RTN4: variants seen among roughly 807,000 people sequenced by gnomAD.
RTN4 encodes the protein reticulon-4.
Under a neutral mutation model 90.4 loss-of-function variants are expected in RTN4, and 32 were observed. That is an observed-to-expected ratio of 0.35 (90% CI 0.27 to 0.48). The LOEUF (loss-of-function observed/expected upper bound fraction) is 0.48. RTN4 is among the 20% of genes least tolerant of loss of function. The pLI is 0.99. For synonymous variants in RTN4, 629 were observed against 552.5 expected (o/e 1.14, Z -1.94); for missense variants, 1,706 against 1,430.2 (o/e 1.19, Z -3.11).
At chr2:55,090,792 C>T (rs1469947884) in intron 1 of RTN4, among the ~76,000 whole-genome samples, 2 of 152,180 alleles carry the variant, frequency 1.3e-5, no homozygotes, top group African/African-American at 2.4e-5. Flanking sequence ...AAACTCGGCT[C>T]CACCCCCTAA....
intron 3 of RTN4, among the ~76,000 whole-genome samples, chr2:54,994,264 A>G (rs778913238): frequency 5.8e-4 from 88 of 152,312 alleles, no homozygotes; most frequent in Admixed American, 9.8e-4. Context: ...AAATCAGACA[A>G]AGACATCACA....
At chr2:55,121,965 G>A in the RTN4 span, among the ~76,000 whole-genome samples, 30 of 151,692 alleles carry the variant, frequency 2.0e-4, no homozygotes, top group African/African-American at 7.3e-4. Context: ...CTGCTAGGTG[G>A]GATTTCCTAT....
upstream of RTN4, among the ~76,000 whole-genome samples, chr2:55,051,096 A>T (rs1208554915): frequency 1.3e-5 from 2 of 152,180 alleles, no homozygotes; most frequent in Non-Finnish European, 2.9e-5. Context: ...ATAAGAAAAA[A>T]ATTGTTTTTT....
chr2:54,987,438 C>A, intron 4 of RTN4, 53 bp downstream of exon 4: 1 of 1,279,900 alleles, frequency 7.8e-7, no homozygotes, highest in Non-Finnish European at 1.1e-6. Context: ...AGTCTTAATA[C>A]CAATCCTGTT....
In RTN4 at chr2:55,026,008, A is replaced by T. The variant is rs375057108; in HGVS notation, c.2091T>A (p.Ile697=). 1 of 1,612,640 alleles carries T rather than the reference A, an allele frequency of 6.2e-7. No homozygotes were observed. The highest frequency in any genetic ancestry group is 8.5e-7 in the Non-Finnish European group (1 of 1,179,708). The change falls in exon 3 of 9, where the codon ATT becomes ATA. Residue 697 remains isoleucine, a synonymous_variant. Transcript: ENST00000337526. Reference sequence around the variant, plus strand: ...TTGTTTCTTTAATTAAATCACATGCAATAGATATATAAGGAGCTTCTGTTT... The same window carrying T: ...TTGTTTCTTTAATTAAATCACATGCTATAGATATATAAGGAGCTTCTGTTT... ...LQETEAPYIS[I]ACDLIKETKL...
chr2:54,973,353 A>G (rs1167035977), intron 8 of RTN4, among the ~76,000 whole-genome samples, 155 bp from the exon 9 acceptor site: 1 of 152,216 alleles, frequency 6.6e-6, no homozygotes, highest in Non-Finnish European at 1.5e-5. Context: ...CCTTGGCCTC[A>G]TGAATTAGAT....
rs1208325773 is a variant in RTN4, at chr2:54,972,367, AGTCCATAGATTCT to A, written c.*776_*788del. The stretch of plus-strand genomic sequence containing the variant: ...CAACATTTTTGGAAGCATTAGATTC[AGTCCATAGATTCT>A]GTGACAAAATTAACTACAGTCAGTC... On this transcript the variant is annotated 3_prime_UTR_variant, in exon 9 of 9. Coordinates refer to ENST00000337526, the MANE Select transcript of RTN4 (RefSeq NM_020532.5). 5 of 152,690 alleles carry A rather than the reference AGTCCATAGATTCT, an allele frequency of 3.3e-5. No homozygotes were observed. The highest frequency in any genetic ancestry group is 1.2e-4 in the African/African-American group (5 of 41,468). 9.5% of individuals were successfully genotyped at this position (152,690 alleles called of 1,614,324 possible). A position where few individuals can be genotyped will look rare whatever the true frequency, so the allele number is the denominator to read the frequency against.
At chr2:55,036,343 T>A (rs1246907643) in intron 1 of RTN4, among the ~76,000 whole-genome samples, 1 of 152,016 alleles carries the variant, frequency 6.6e-6, no homozygotes. Context: ...GGCTCATGCC[T>A]GTAATCCCAG....
rs1349242103 is a variant in RTN4 at position 54,972,463 on chromosome 2, A to T, written c.*693T>A. 1 of 152,626 alleles carries T rather than the reference A, an allele frequency of 6.6e-6. No homozygotes were observed. The highest frequency in any genetic ancestry group is 1.5e-5 in the Non-Finnish European group (1 of 68,038). The allele number at this position is 152,626 out of a possible 1,614,324, so 9.5% of individuals were successfully genotyped here. On this transcript the variant is annotated 3_prime_UTR_variant, in exon 9 of 9. Transcript: ENST00000337526. ...GTGTGGCATTTCATGTTGAAAACAG[A>T]TGGTAGTGCTCCTAGAAATATTTCT...
chr2:55,085,090 C>T lies in RTN4; in HGVS notation c.-213-4451G>A, dbSNP rs1235349391. On this transcript the variant is annotated intron_variant, in intron 1 of 3. Transcript: ENST00000427710. The stretch of plus-strand genomic sequence containing the variant: ...AAGGCATGAGCCACTGCACCTAGCT[C>T]TTTGTTGCTTTGAGAGTATAAACAG... 2.0e-5 allele frequency among the ~76,000 whole-genome samples: 3 copies of T among 152,202 alleles called. No individual in the cohort carries two copies. The East Asian group carries it at 5.8e-4, about 29-fold the overall frequency.
chr2:55,085,424 A>G (rs1055460180), intron 1 of RTN4, among the ~76,000 whole-genome samples: 1 of 152,178 alleles, frequency 6.6e-6, no homozygotes, highest in Non-Finnish European at 1.5e-5. Context: ...GGAGACCTGG[A>G]GAGGAGTGGG....
chr2:55,133,774 C>A, the RTN4 span, among the ~76,000 whole-genome samples: 7 of 152,168 alleles, frequency 4.6e-5, no homozygotes, highest in Non-Finnish European at 7.3e-5. Context: ...CTGATAAAGC[C>A]ACTGCTTGTC....
At chr2:55,020,859 C>G (rs1681374339) in intron 3 of RTN4, among the ~76,000 whole-genome samples, 1 of 151,906 alleles carries the variant, frequency 6.6e-6, no homozygotes, top group Admixed American at 6.6e-5. Context: ...AATAATTAGC[C>G]AGGCATAGTG....
At chr2:55,105,141 T>C (rs529570558) in intron 1 of RTN4, among the ~76,000 whole-genome samples, 14 of 152,116 alleles carry the variant, frequency 9.2e-5, no homozygotes, top group African/African-American at 3.4e-4. Flanking sequence ...GATTACTACT[T>C]ATGTGAACTT....
chr2:55,134,970 G>T, the RTN4 span, among the ~76,000 whole-genome samples: 1 of 152,086 alleles, frequency 6.6e-6, no homozygotes, highest in Non-Finnish European at 1.5e-5. Flanking sequence ...TGGGCTGTAA[G>T]TGTAAAATGC....
At chr2:55,000,954 G>C (rs1347791981) in intron 3 of RTN4, among the ~76,000 whole-genome samples, 1 of 151,546 alleles carries the variant, frequency 6.6e-6, no homozygotes, top group African/African-American at 2.4e-5. Context: ...GAAGCAATCT[G>C]AATTGTTCTC....
the RTN4 span, among the ~76,000 whole-genome samples, chr2:55,132,629 T>C: frequency 6.6e-6 from 1 of 151,766 alleles, no homozygotes; most frequent in African/African-American, 2.4e-5. Context: ...CTGGGCAACA[T>C]GGTATACCCC....
Position 54,972,679 on chromosome 2 carries a change from A to AAAGC in RTN4, c.*473_*476dup, listed in dbSNP as rs1163330644. 6.5e-6 allele frequency: 1 copy of AAAGC among 153,454 alleles called. No homozygotes were observed. Among genetic ancestry groups the AAAGC allele is most frequent in the East Asian group, 1.9e-4 (1 of 5,236 alleles). The allele number at this position is 153,454 out of a possible 1,614,324, so 9.5% of individuals were successfully genotyped here. A position where few individuals can be genotyped will look rare whatever the true frequency, so the allele number is the denominator to read the frequency against. ...CACAATACACCTAGAACATACCAGA[A>AAAGC]AAGCAAGCTTTGTCATTCCTGCTTT... On this transcript the variant is annotated 3_prime_UTR_variant, in exon 9 of 9. Coordinates refer to ENST00000337526, the MANE Select transcript of RTN4 (RefSeq NM_020532.5).
At chr2:55,107,959 CT>C (rs879458057) in intron 1 of RTN4, among the ~76,000 whole-genome samples, 50 of 146,184 alleles carry the variant, frequency 3.4e-4, no homozygotes, top group South Asian at 6.5e-4. Context: ...AAATTCGGTC[CT>C]TTTTTTTTTT....
Sources: allele counts gnomAD v4.1 joint callset (sites outside exome capture counted in the v4.1 genomes callset), GRCh38; gene constraint gnomAD v4.1.1; transcripts MANE v1.5; gene names NCBI Gene and HGNC (gene_info 2026-07-23, HGNC 2026-07-21).